The following CA10 variants were observed in gnomAD, a reference collection of about 807,000 sequenced individuals.
CA10 encodes carbonic anhydrase 10 (inactive).
CA10 carries 14 observed loss-of-function variants against 44.2 expected under a neutral mutation model. The observed-to-expected ratio is 0.32, with a 90% confidence interval of 0.21 to 0.50. The LOEUF (loss-of-function observed/expected upper bound fraction) is 0.50, where lower values mean the gene tolerates loss of function less well. Ranked by LOEUF, CA10 falls within the 20% of genes least tolerant of loss-of-function variation. The probability of loss-of-function intolerance (pLI) is 0.99; values close to 1 mark genes in which losing one functional copy is unlikely to be tolerated. For synonymous variants in CA10, 159 were observed against 141.6 expected (o/e 1.12, Z -0.87); for missense variants, 350 against 409.7 (o/e 0.85, Z 1.26).
chr17:51,673,820 C>T (rs1001955296), intron 4 of CA10, among the ~76,000 whole-genome samples: 32 of 152,300 alleles, frequency 2.1e-4, no homozygotes, highest in Middle Eastern at 3.4e-3. Context: ...CTCTTTTATC[C>T]GGCCTGAAAG....
intron 4 of CA10, among the ~76,000 whole-genome samples, chr17:51,721,362 T>G (rs1916344309): frequency 6.6e-6 from 1 of 152,124 alleles, no homozygotes; most frequent in African/African-American, 2.4e-5. Flanking sequence ...TTATTTATTT[T>G]TGAGACAGAA....
chr17:51,729,045 T>C (rs1393579705), intron 4 of CA10, among the ~76,000 whole-genome samples: 2 of 152,086 alleles, frequency 1.3e-5, no homozygotes, highest in Non-Finnish European at 2.9e-5. Flanking sequence ...AAACTTGGCA[T>C]GATCAGACCA....
intron 1 of CA10, among the ~76,000 whole-genome samples, chr17:52,090,949 T>C (rs966766855): frequency 4.6e-5 from 7 of 152,168 alleles, no homozygotes; most frequent in Non-Finnish European, 8.8e-5. Context: ...AGCTGCTGAC[T>C]ACACACTCTT....
chr17:51,677,896 C>CAAA (rs368788910), intron 4 of CA10, among the ~76,000 whole-genome samples: 1 of 142,176 alleles, frequency 7.0e-6, no homozygotes, highest in Non-Finnish European at 1.5e-5. Context: ...CCCCCCCCCC[C>CAAA]ACCGGCTGCC....
intron 2 of CA10, among the ~76,000 whole-genome samples, chr17:51,967,913 G>T (rs1434923770): frequency 1.3e-5 from 2 of 151,720 alleles, no homozygotes; most frequent in Admixed American, 6.6e-5. Context: ...TTAATGCCTG[G>T]AACTGTGGGT....
At chr17:52,100,568 G>A (rs904687190) in intron 1 of CA10, among the ~76,000 whole-genome samples, 1 of 152,210 alleles carries the variant, frequency 6.6e-6, no homozygotes, top group African/African-American at 2.4e-5. Context: ...GAGAAATGGG[G>A]AGAGGAAATG....
chr17:52,114,208 G>A (rs1048377638), intron 1 of CA10, among the ~76,000 whole-genome samples: 2 of 152,188 alleles, frequency 1.3e-5, no homozygotes, highest in African/African-American at 4.8e-5. Context: ...TTGGGGAAGA[G>A]GCTTATATCC....
At chr17:51,937,263 G>A (rs1982902154) in intron 2 of CA10, among the ~76,000 whole-genome samples, 1 of 152,092 alleles carries the variant, frequency 6.6e-6, no homozygotes, top group African/African-American at 2.4e-5. Context: ...TCTTTCCCTT[G>A]CTCTTTTCCT....
intron 4 of CA10, among the ~76,000 whole-genome samples, chr17:51,691,855 C>T (rs562109419): frequency 6.6e-6 from 1 of 152,152 alleles, no homozygotes; most frequent in East Asian, 1.9e-4. Flanking sequence ...TTCTTGACAC[C>T]TTTGTCACCC....
At chr17:51,820,406 C>G (rs377138990) in intron 3 of CA10, among the ~76,000 whole-genome samples, 2 of 6,534 alleles carry the variant, frequency 3.1e-4, no homozygotes, top group Admixed American at 2.3e-3. Flanking sequence ...GATTCCCCTA[C>G]CCCCCCCCCC....
intron 3 of CA10, among the ~76,000 whole-genome samples, chr17:51,810,450 G>A (rs1010836930): frequency 2.0e-5 from 3 of 152,240 alleles, no homozygotes; most frequent in Admixed American, 6.5e-5. Flanking sequence ...TAAAGTATGA[G>A]CAAGTTCTGT....
intron 4 of CA10, among the ~76,000 whole-genome samples, chr17:51,677,889 C>T (rs966346013): frequency 5.6e-5 from 2 of 35,744 alleles, no homozygotes; most frequent in Non-Finnish European, 1.1e-4. Flanking sequence ...GTATACACCC[C>T]CCCCCCCACC....
chr17:51,637,211 T>C (rs1912871806), intron 6 of CA10, among the ~76,000 whole-genome samples: 1 of 152,114 alleles, frequency 6.6e-6, no homozygotes, highest in Admixed American at 6.6e-5. Flanking sequence ...TTCTGGCCAT[T>C]CTCTCTCAGG....
At chr17:51,999,162 C>T (rs769141245) in intron 2 of CA10, among the ~76,000 whole-genome samples, 2 of 151,950 alleles carry the variant, frequency 1.3e-5, no homozygotes, top group Admixed American at 1.3e-4. Flanking sequence ...GCCAAGCAAG[C>T]GTTGTTTGGG....
intron 3 of CA10, among the ~76,000 whole-genome samples, chr17:51,818,225 A>G (rs2143755290): frequency 6.6e-6 from 1 of 152,330 alleles, no homozygotes; most frequent in Non-Finnish European, 1.5e-5. Flanking sequence ...TCACTTTGTA[A>G]TTGGGAACTC....
intron 3 of CA10, among the ~76,000 whole-genome samples, chr17:51,918,126 A>T (rs1982076025): frequency 6.6e-6 from 1 of 152,218 alleles, no homozygotes; most frequent in African/African-American, 2.4e-5. Flanking sequence ...GAGAGTCAAC[A>T]AACACTGAAT....
chr17:52,071,018 T>C (rs554905473), intron 2 of CA10, among the ~76,000 whole-genome samples: 19 of 152,266 alleles, frequency 1.2e-4, no homozygotes, highest in African/African-American at 4.3e-4. Context: ...TATAACAGAT[T>C]TCCTAGGAAA....
intron 4 of CA10, among the ~76,000 whole-genome samples, chr17:51,729,463 G>A (rs1916641998): frequency 6.6e-6 from 1 of 152,116 alleles, no homozygotes; most frequent in African/African-American, 2.4e-5. Context: ...ACTGCATATG[G>A]ACTTTTCATA....
At chr17:52,117,696 C>A in intron 1 of CA10, among the ~76,000 whole-genome samples, 1 of 152,054 alleles carries the variant, frequency 6.6e-6, no homozygotes, top group African/African-American at 2.4e-5. Context: ...TTAAAAATTC[C>A]TAAGAGTTAC....
Sources: allele counts gnomAD v4.1 joint callset (sites outside exome capture counted in the v4.1 genomes callset), GRCh38; gene constraint gnomAD v4.1.1; transcripts MANE v1.5; gene names NCBI Gene and HGNC (gene_info 2026-07-23, HGNC 2026-07-21).